The following THSD7A variants were observed in gnomAD, a reference collection of about 807,000 sequenced individuals.
THSD7A encodes thrombospondin type-1 domain-containing protein 7A.
In THSD7A, 96 loss-of-function variants were observed where a neutral mutation model predicts 231.3. The observed-to-expected ratio is 0.41, with a 90% CI of 0.35 to 0.49. The LOEUF is 0.49. Among genes scored for constraint, THSD7A ranks in the 20% least tolerant of loss-of-function variants. The pLI is 0.05. For missense variants in THSD7A, 2,290 were observed against 2,070.2 expected (o/e 1.11, Z -2.06); for synonymous variants, 940 against 743.3 (o/e 1.26, Z -4.30).
intron 1 of THSD7A, among the ~76,000 whole-genome samples, chr7:11,681,670 A>T (rs1374589295): frequency 1.3e-5 from 2 of 152,098 alleles, no homozygotes; most frequent in Non-Finnish European, 2.9e-5. Flanking sequence ...GAGAAAGTAT[A>T]CAGTTTAGGA....
intron 1 of THSD7A, among the ~76,000 whole-genome samples, chr7:11,759,204 T>C (rs924453640): frequency 6.6e-6 from 1 of 152,046 alleles, no homozygotes; most frequent in Non-Finnish European, 1.5e-5. Flanking sequence ...AGCAGAATTA[T>C]ACAACAATAA....
chr7:11,801,165 G>A (rs1583302102), intron 1 of THSD7A, among the ~76,000 whole-genome samples: 1 of 152,122 alleles, frequency 6.6e-6, no homozygotes, highest in South Asian at 2.1e-4. Context: ...AAAACAAGAT[G>A]TATGTATTAA....
intron 4 of THSD7A, among the ~76,000 whole-genome samples, chr7:11,574,560 G>A (rs1342921100): frequency 6.7e-6 from 1 of 149,388 alleles, no homozygotes; most frequent in Non-Finnish European, 1.5e-5. Context: ...TCAGCCTCCC[G>A]AGTAGCTGGG....
At position 11,406,574 on chromosome 7, in the gene THSD7A, C is replaced by G; in HGVS notation, c.4063-100G>C. ...TGCACCACTGACTTTGATTTATGAA[C>G]ATTTAGAGAAGGATTTGAAACCCTA... On this transcript the variant is annotated intron_variant, in intron 21 of 27. Transcript: ENST00000423059. The surrounding 1 kb of genome is among the most constrained non-coding windows in gnomAD (Gnocchi z 4.7). The G allele has an allele frequency of 7.8e-7, 1 of 1,282,430 alleles. No homozygotes were observed. Among genetic ancestry groups the G allele is most frequent in the Non-Finnish European group, 1.1e-6 (1 of 950,260 alleles). The allele number at this position is 1,282,430 out of a possible 1,614,324, so 79.4% of individuals were successfully genotyped here.
chr7:11,497,438 T>A (rs1787148240), intron 6 of THSD7A, among the ~76,000 whole-genome samples: 1 of 152,206 alleles, frequency 6.6e-6, no homozygotes, highest in South Asian at 2.1e-4. Flanking sequence ...AAAATGTACC[T>A]CATTGCATTT....
intron 4 of THSD7A, among the ~76,000 whole-genome samples, chr7:11,548,892 A>G (rs1789510306): frequency 1.3e-5 from 2 of 152,016 alleles, no homozygotes; most frequent in African/African-American, 4.8e-5. Flanking sequence ...CCAATATTAT[A>G]CCAAATGGAC....
At chr7:11,591,782 G>A (rs537384579) in intron 3 of THSD7A, among the ~76,000 whole-genome samples, 44 of 152,282 alleles carry the variant, frequency 2.9e-4, no homozygotes, top group African/African-American at 1.0e-3. Context: ...CTGGTTTGGG[G>A]ATTGAAGGGG....
At chr7:11,735,135 G>T (rs544996411) in intron 1 of THSD7A, among the ~76,000 whole-genome samples, 3 of 151,960 alleles carry the variant, frequency 2.0e-5, no homozygotes, top group African/African-American at 7.2e-5. Flanking sequence ...TACTCTTGGA[G>T]TGTCACCAAA....
At position 11,406,471 on chromosome 7, in the gene THSD7A, C is replaced by A; in HGVS notation, c.4066G>T (p.Ala1356Ser). 2 of 1,605,894 alleles carry A rather than the reference C, an allele frequency of 1.2e-6. No individual in the cohort carries two copies. The highest frequency in any genetic ancestry group is 8.5e-7 in the Non-Finnish European group (1 of 1,177,362). The change falls in exon 22 of 28, where the codon GCC becomes TCC. Residue 1356 changes from alanine (A) to serine (S), a missense_variant. Physicochemically the swap from Ala to Ser is moderately conservative, Grantham distance 99 (BLOSUM62 1). Transcript: ENST00000423059. The surrounding 1 kb of genome is among the most constrained non-coding windows in gnomAD (Gnocchi z 4.7). ...GTTCTGGTCCCTTCTCCACACTGGG[C>A]CTCCTGGAATGGAGGAAGAAATAAC... ...GQWSPCQVQE[A>S]QCGEGTRTRN...
intron 1 of THSD7A, among the ~76,000 whole-genome samples, chr7:11,778,169 A>AAAAAAAAAAAAAAAAAAAAAAAAAAAAG (rs1562548864): frequency 6.8e-6 from 1 of 147,604 alleles, no homozygotes; most frequent in Non-Finnish European, 1.5e-5. Flanking sequence ...AAAAAAAAAA[A>AAAAAAAAAAAAAAAAAAAAAAAAAAAAG]AAAAAAAAAG....
Position 11,407,291 on chromosome 7 carries a change from A to G in THSD7A, c.3916+15T>C. ...CTTGACCAGTAGCCTAATATAAGTT[A>G]TGGTACAAACAAACCTGTGAGGCCA... is the stretch of plus-strand genomic sequence containing the variant. On this transcript the variant is annotated intron_variant, in intron 20 of 27. Coordinates refer to ENST00000423059, the MANE Select transcript of THSD7A (RefSeq NM_015204.3). The G allele has an allele frequency of 1.3e-6, 2 of 1,597,706 alleles. No homozygotes were observed. Among genetic ancestry groups the G allele is most frequent in the Non-Finnish European group, 1.7e-6 (2 of 1,167,644 alleles).
intron 4 of THSD7A, among the ~76,000 whole-genome samples, chr7:11,580,017 T>C (rs2128337417): frequency 6.6e-6 from 1 of 152,264 alleles, no homozygotes; most frequent in South Asian, 2.1e-4. Context: ...TGTTAGTGAG[T>C]GATTTTGAAT....
chr7:11,392,564 C>T (rs745534160), intron 23 of THSD7A, among the ~76,000 whole-genome samples: 2 of 152,102 alleles, frequency 1.3e-5, no homozygotes, highest in Non-Finnish European at 2.9e-5. Flanking sequence ...GGGGCTGAAG[C>T]CAGGGAGCTG....
At chr7:11,782,843 G>T (rs1783675340) in intron 1 of THSD7A, among the ~76,000 whole-genome samples, 1 of 152,054 alleles carries the variant, frequency 6.6e-6, no homozygotes, top group Non-Finnish European at 1.5e-5. Flanking sequence ...CTTTGTTATA[G>T]CATTTGCTGA....
In THSD7A at chr7:11,715,875, G is replaced by A. The variant is rs114494998; in HGVS notation, c.191-78914C>T. ...GAAAGCCAGTTTGTAAATATCAAAAGGCAAATCAAATTTCTCTTTGTTCTG... is the reference window on the plus strand; with the variant it reads ...GAAAGCCAGTTTGTAAATATCAAAAAGCAAATCAAATTTCTCTTTGTTCTG... On this transcript the variant is annotated intron_variant, in intron 1 of 27. Transcript: ENST00000423059. 5.0e-3 allele frequency among the ~76,000 whole-genome samples: 764 copies of A among 151,514 alleles called. 6 individuals are homozygous for A. The highest frequency in any genetic ancestry group is 0.018 in the African/African-American group (741 of 41,434).
At chr7:11,466,359 G>GA (rs1212749107) in intron 9 of THSD7A, among the ~76,000 whole-genome samples, 1 of 151,932 alleles carries the variant, frequency 6.6e-6, no homozygotes, top group African/African-American at 2.4e-5. Context: ...ATGAAATAAT[G>GA]AAAAAAACTA....
At position 11,541,516 on chromosome 7, in the gene THSD7A, G is replaced by C. The variant is rs1251259803; in HGVS notation, c.1725C>G (p.Asp575Glu). Residue 575 changes from aspartate (D) to glutamate (E), a missense_variant, in exon 6 of 28, where the codon GAC (aspartate) becomes GAG (glutamate). Asp to Glu is a conservative substitution (Grantham distance 45, BLOSUM62 2). Coordinates refer to ENST00000423059, the MANE Select transcript of THSD7A (RefSeq NM_015204.3). ...AIPCEEPACY[D>E]WKAVRLGNCE... ...AGTTTCCCAGTCTCACTGCTTTCCA[G>C]TCATAACAGGCAGGCTCTTCACAGG... is the stretch of plus-strand genomic sequence containing the variant. 1 of 1,613,806 alleles carries C rather than the reference G, an allele frequency of 6.2e-7. No individual in the cohort carries two copies. The highest frequency in any genetic ancestry group is 1.3e-5 in the African/African-American group (1 of 74,900).
intron 2 of THSD7A, among the ~76,000 whole-genome samples, chr7:11,601,703 T>C (rs1320057673): frequency 6.6e-6 from 1 of 152,194 alleles, no homozygotes; most frequent in African/African-American, 2.4e-5. Context: ...TGTGTCCTTC[T>C]AAGCAGACTG....
rs1414124943 is a variant in THSD7A, at chr7:11,636,494, G to C, written c.658C>G (p.His220Asp). The C allele has an allele frequency of 6.2e-7, 1 of 1,613,664 alleles. No homozygotes were observed. The highest frequency in any genetic ancestry group is 8.5e-7 in the Non-Finnish European group (1 of 1,179,856). The change falls in exon 2 of 28, where the codon CAT (histidine) becomes GAT (aspartate). Residue 220 changes from histidine to aspartate, a missense_variant. By Grantham distance (81) the His-to-Asp change is moderately conservative. Coordinates refer to ENST00000423059, the MANE Select transcript of THSD7A (RefSeq NM_015204.3). This position sits in a 1 kb window ranked among gnomAD's most constrained non-coding sequence, Gnocchi z 10.0. ...CGSGLQHRTR[H>D]VVAPPQFGGS... Reference sequence around the variant, plus strand: ...CCGAACTGCGGGGGCGCCACCACATGACGCGTCCGGTGCTGGAGCCCGCTG... The same window carrying C: ...CCGAACTGCGGGGGCGCCACCACATCACGCGTCCGGTGCTGGAGCCCGCTG...
Sources: allele counts gnomAD v4.1 joint callset (sites outside exome capture counted in the v4.1 genomes callset), GRCh38; gene constraint gnomAD v4.1.1; non-coding constraint Gnocchi (gnomAD v3.1); transcripts MANE v1.5; gene names NCBI Gene and HGNC (gene_info 2026-07-23, HGNC 2026-07-21).